Variants in BCKDHB observed in about 807,000 individuals in gnomAD.
BCKDHB encodes the protein 2-oxoisovalerate dehydrogenase subunit beta, mitochondrial.
A neutral mutation model predicts 48.5 loss-of-function variants in BCKDHB; 41 were observed. That is an observed-to-expected ratio of 0.85 (90% CI 0.66 to 1.10). The LOEUF (loss-of-function observed/expected upper bound fraction) is 1.10. BCKDHB is among the 50% of genes least tolerant of loss of function. The pLI, the probability that BCKDHB is intolerant of heterozygous loss-of-function variation, is 0.00. For missense variants in BCKDHB, 496 were observed against 494.2 expected (o/e 1.00, Z -0.03); for synonymous variants, 201 against 174.8 (o/e 1.15, Z -1.18).
intron 3 of BCKDHB, among the ~76,000 whole-genome samples, chr6:80,129,719 CT>C (rs765917237): frequency 3.7e-4 from 57 of 152,186 alleles, no homozygotes; most frequent in Non-Finnish European, 6.2e-4. Context: ...AACTGGTTGA[CT>C]TGAAACTCAG....
intron 1 of BCKDHB, among the ~76,000 whole-genome samples, chr6:80,121,894 T>C (rs773806704): frequency 2.0e-4 from 31 of 152,192 alleles, no homozygotes; most frequent in Non-Finnish European, 4.3e-4. Flanking sequence ...CTATGTTGAA[T>C]AGGAGTGGTG....
chr6:80,282,829 T>C (rs1047760252), intron 9 of BCKDHB, among the ~76,000 whole-genome samples: 2 of 152,156 alleles, frequency 1.3e-5, no homozygotes, highest in Non-Finnish European at 2.9e-5. Context: ...TTAAAAGCTT[T>C]ATTATATGTA....
chr6:80,190,352 A>G (rs73750076), intron 6 of BCKDHB, among the ~76,000 whole-genome samples: 2,837 of 152,298 alleles, frequency 0.019, 81 homozygotes, highest in African/African-American at 0.065. Context: ...AGACTTAGGG[A>G]AAGGATCAAG....
chr6:80,252,930 C>T (rs1299891686), intron 8 of BCKDHB, among the ~76,000 whole-genome samples: 2 of 152,144 alleles, frequency 1.3e-5, no homozygotes, highest in Admixed American at 1.3e-4. Context: ...ACCCCCTCCT[C>T]CTCTCAGCAT....
chr6:80,365,166 A>C, the BCKDHB span, among the ~76,000 whole-genome samples: 1 of 152,208 alleles, frequency 6.6e-6, no homozygotes, highest in African/African-American at 2.4e-5. Context: ...ATAAGGGTCC[A>C]ACAAAGATCA....
the BCKDHB span, among the ~76,000 whole-genome samples, chr6:80,464,883 T>A: frequency 6.6e-6 from 1 of 152,194 alleles, no homozygotes; most frequent in Non-Finnish European, 1.5e-5. Flanking sequence ...AGGTGAAGCA[T>A]TACCCCTCCA....
intron 8 of BCKDHB, among the ~76,000 whole-genome samples, chr6:80,271,440 A>G (rs1314336384): frequency 2.0e-5 from 3 of 152,074 alleles, no homozygotes; most frequent in East Asian, 3.9e-4. Context: ...TGATTTCACC[A>G]TCCACTCTGT....
chr6:80,142,064 C>T (rs924940502), intron 3 of BCKDHB, among the ~76,000 whole-genome samples: 1 of 151,970 alleles, frequency 6.6e-6, no homozygotes. Flanking sequence ...CACATCAAGA[C>T]CAGTGAATTT....
At chr6:80,323,229 T>G (rs972117341) in intron 9 of BCKDHB, among the ~76,000 whole-genome samples, 1 of 152,218 alleles carries the variant, frequency 6.6e-6, no homozygotes, top group Non-Finnish European at 1.5e-5. Flanking sequence ...AGCTGTCTGT[T>G]TGTAATAATA....
At chr6:80,319,573 G>A (rs1365455696) in intron 9 of BCKDHB, among the ~76,000 whole-genome samples, 1 of 152,116 alleles carries the variant, frequency 6.6e-6, no homozygotes, top group East Asian at 1.9e-4. Context: ...CTAAGGAAAC[G>A]TGTAGCCCTC....
At chr6:80,427,827 C>T in the BCKDHB span, among the ~76,000 whole-genome samples, 1 of 152,066 alleles carries the variant, frequency 6.6e-6, no homozygotes, top group South Asian at 2.1e-4. Context: ...TGCAGTTGTT[C>T]ATATTTTTTT....
chr6:80,169,196 A>G (rs577622451), intron 5 of BCKDHB, among the ~76,000 whole-genome samples, 166 bp downstream of exon 5: 5 of 152,348 alleles, frequency 3.3e-5, no homozygotes, highest in African/African-American at 7.2e-5. Context: ...TCTTTTAAGT[A>G]TGCTATCCAA....
chr6:80,421,686 G>A, the BCKDHB span, among the ~76,000 whole-genome samples: 6 of 152,184 alleles, frequency 3.9e-5, no homozygotes, highest in Admixed American at 6.5e-5. Context: ...GAGACTGGTG[G>A]CATTTTGCTC....
intron 9 of BCKDHB, among the ~76,000 whole-genome samples, chr6:80,311,114 A>G (rs1172525910): frequency 3.3e-5 from 5 of 151,644 alleles, no homozygotes; most frequent in African/African-American, 9.7e-5. Flanking sequence ...TGCTGTTCTC[A>G]TGATAGTGAA....
chr6:80,124,560 T>A (rs1451051813), intron 1 of BCKDHB, among the ~76,000 whole-genome samples: 1 of 152,198 alleles, frequency 6.6e-6, no homozygotes, highest in East Asian at 1.9e-4. Flanking sequence ...GCTTTATGAA[T>A]CTGGGTGCTC....
At chr6:80,354,694 T>A in the BCKDHB span, among the ~76,000 whole-genome samples, 1 of 152,204 alleles carries the variant, frequency 6.6e-6, no homozygotes, top group African/African-American at 2.4e-5. Context: ...TTGTATACAG[T>A]GATAGGAGTT....
intron 6 of BCKDHB, among the ~76,000 whole-genome samples, chr6:80,193,097 C>T (rs1203191290): frequency 6.6e-6 from 1 of 152,112 alleles, no homozygotes; most frequent in African/African-American, 2.4e-5. Flanking sequence ...GCTGGGATTA[C>T]AGACATGACC....
At chr6:80,331,559 TCATGGCCCATCA>T (rs1769316304) in intron 9 of BCKDHB, among the ~76,000 whole-genome samples, 1 of 152,190 alleles carries the variant, frequency 6.6e-6, no homozygotes, top group Non-Finnish European at 1.5e-5. Flanking sequence ...GAGGGAACTT[TCATGGCCCATCA>T]AAATCTGCTC....
intron 8 of BCKDHB, among the ~76,000 whole-genome samples, chr6:80,271,720 C>CAG (rs1415384876): frequency 4.0e-5 from 6 of 151,698 alleles, no homozygotes; most frequent in Non-Finnish European, 1.5e-5. Flanking sequence ...TTCTGAGTTT[C>CAG]AGAGCTATAA....
Sources: allele counts gnomAD v4.1 joint callset (sites outside exome capture counted in the v4.1 genomes callset), GRCh38; gene constraint gnomAD v4.1.1; transcripts MANE v1.5; gene names NCBI Gene and HGNC (gene_info 2026-07-23, HGNC 2026-07-21).